IGSF21: variants seen among roughly 807,000 people sequenced by gnomAD.
IGSF21 encodes the protein immunoglobulin superfamily member 21.
A neutral mutation model predicts 46.8 loss-of-function variants in IGSF21; 28 were observed. That is an observed-to-expected ratio of 0.60 (90% confidence interval 0.44 to 0.82). The LOEUF (loss-of-function observed/expected upper bound fraction) is 0.82, where lower values mean the gene tolerates loss of function less well. Among genes scored for constraint, IGSF21 ranks in the 40% least tolerant of loss-of-function variants. The pLI is 0.00. For missense variants in IGSF21, 624 were observed against 665.5 expected, an observed-to-expected ratio of 0.94 and a Z score of 0.69; for synonymous variants, 284 against 273.6, an observed-to-expected ratio of 1.04 and a Z score of -0.38.
intron 1 of IGSF21, among the ~76,000 whole-genome samples, chr1:18,195,304 G>A (rs1169775435): frequency 6.6e-6 from 1 of 152,218 alleles, no homozygotes; most frequent in African/African-American, 2.4e-5. Flanking sequence ...GGGATGGAAT[G>A]TCATGCCAGC....
chr1:18,295,989 AGCGG>A lies in IGSF21; in HGVS notation c.305+4005_305+4008del, dbSNP rs59470869. ...GGTGCATAATGAAATGTGCAAAATG[AGCGG>A]GCAGTTCTGGGTATGCTCCTTGGCC... On this transcript the variant is annotated intron_variant, in intron 3 of 9. Transcript: ENST00000251296. Among the ~76,000 whole-genome samples the A allele has an allele frequency of 4.5e-3, 685 of 152,316 alleles. 5 individuals are homozygous for A. Among genetic ancestry groups the A allele is most frequent in the African/African-American group, 0.016 (653 of 41,566 alleles).
intron 1 of IGSF21, among the ~76,000 whole-genome samples, chr1:18,190,876 G>A (rs1259913561): frequency 1.3e-5 from 2 of 152,166 alleles, no homozygotes; most frequent in Non-Finnish European, 2.9e-5. Context: ...GGGAGAGCTG[G>A]GTTACCCTGG....
At chr1:18,126,610 C>G (rs994848673) in intron 1 of IGSF21, among the ~76,000 whole-genome samples, 2 of 152,152 alleles carry the variant, frequency 1.3e-5, no homozygotes, top group Admixed American at 6.5e-5. Flanking sequence ...ACTTGTGGCT[C>G]CTCCACCCCA....
chr1:18,195,495 C>G (rs1211102707), intron 1 of IGSF21, among the ~76,000 whole-genome samples: 2 of 152,176 alleles, frequency 1.3e-5, no homozygotes, highest in Admixed American at 1.3e-4. Flanking sequence ...ACCTTCTGAA[C>G]CTAGCACAGA....
chr1:18,305,429 A>G (rs952576728), intron 3 of IGSF21, among the ~76,000 whole-genome samples: 3 of 149,748 alleles, frequency 2.0e-5, no homozygotes, highest in African/African-American at 7.4e-5. Context: ...GGATAGATGG[A>G]TGGATTATGG....
At chr1:18,154,085 C>T (rs2086546160) in intron 1 of IGSF21, among the ~76,000 whole-genome samples, 2 of 152,204 alleles carry the variant, frequency 1.3e-5, no homozygotes, top group African/African-American at 4.8e-5. Flanking sequence ...GGTGAGCCCA[C>T]TGTCTGTGTG....
In IGSF21 at chr1:18,359,336, GAAAAAGAAAGAAAGAAAGAAAGAAAGAA is replaced by G. The variant is rs1433356406; in HGVS notation, c.425-2777_425-2750del. Among the ~76,000 whole-genome samples, 347 of 44,892 alleles carry G rather than the reference GAAAAAGAAAGAAAGAAAGAAAGAAAGAA, an allele frequency of 7.7e-3. 8 individuals are homozygous for G. The highest frequency in any genetic ancestry group is 0.012 in the African/African-American group (147 of 11,830). 29.5% of individuals were successfully genotyped at this position (44,892 alleles called of 152,430 possible). A position where few individuals can be genotyped will look rare whatever the true frequency, so the allele number is the denominator to read the frequency against. On this transcript the variant is annotated intron_variant, in intron 4 of 9. Transcript: ENST00000251296. ...AGAAAGAGAGAGAGAGAAAGAGAAA[GAAAAAGAAAGAAAGAAAGAAAGAAAGAA>G]AGAAAGAAAGAAAGAAAGAAAGGAA... is the stretch of plus-strand genomic sequence containing the variant.
At chr1:18,268,599 G>A (rs1455514560) in intron 2 of IGSF21, among the ~76,000 whole-genome samples, 1 of 152,226 alleles carries the variant, frequency 6.6e-6, no homozygotes, top group Non-Finnish European at 1.5e-5. Flanking sequence ...CTGCAGCTGT[G>A]GTTTGCCTCA....
chr1:18,147,734 G>A (rs1007070907), intron 1 of IGSF21, among the ~76,000 whole-genome samples: 1 of 152,136 alleles, frequency 6.6e-6, no homozygotes, highest in Non-Finnish European at 1.5e-5. Flanking sequence ...ATAACTTACT[G>A]AGATTTGCAA....
chr1:18,228,149 T>C, intron 2 of IGSF21, 139 bp downstream of exon 2: 1 of 647,550 alleles, frequency 1.5e-6, no homozygotes, highest in Non-Finnish European at 2.8e-6. Context: ...ATCTGCTGGG[T>C]CCCCGCCCTC....
At chr1:18,234,325 G>A (rs1345906042) in intron 2 of IGSF21, among the ~76,000 whole-genome samples, 1 of 152,200 alleles carries the variant, frequency 6.6e-6, no homozygotes, top group Non-Finnish European at 1.5e-5. Flanking sequence ...GGTATGTCCA[G>A]TGCTCAGTCT....
At chr1:18,230,725 G>A (rs951530172) in intron 2 of IGSF21, among the ~76,000 whole-genome samples, 1 of 152,102 alleles carries the variant, frequency 6.6e-6, no homozygotes, top group Non-Finnish European at 1.5e-5. Flanking sequence ...TCCCAAAGAG[G>A]CAGCTGAAGG....
rs1439659175 is a variant in IGSF21, at chr1:18,337,329, G to A, written c.424+2319G>A. Reference sequence around the variant, plus strand: ...ATAAGGATGCTTCCCTCCTAGGGTGGCTGTGAGGCTTAAAGTAGATAAAGT... The same window carrying A: ...ATAAGGATGCTTCCCTCCTAGGGTGACTGTGAGGCTTAAAGTAGATAAAGT... On this transcript the variant is annotated intron_variant, in intron 4 of 9. Coordinates refer to ENST00000251296, the MANE Select transcript of IGSF21 (RefSeq NM_032880.5). The surrounding 1 kb of genome is among the most constrained non-coding windows in gnomAD (Gnocchi z 5.7). Among the ~76,000 whole-genome samples the A allele has an allele frequency of 6.6e-6, 1 of 152,182 alleles. No homozygotes were observed. Among genetic ancestry groups the A allele is most frequent in the Non-Finnish European group, 1.5e-5 (1 of 68,040 alleles).
chr1:18,237,914 C>CCCGCTCTA (rs1455581218), intron 2 of IGSF21, among the ~76,000 whole-genome samples: 1 of 152,118 alleles, frequency 6.6e-6, no homozygotes, highest in Non-Finnish European at 1.5e-5. Flanking sequence ...AAAGAAAGAT[C>CCCGCTCTA]CCGCTCTAGC....
At chr1:18,318,232 C>G (rs557125046) in intron 3 of IGSF21, among the ~76,000 whole-genome samples, 1 of 152,128 alleles carries the variant, frequency 6.6e-6, no homozygotes, top group African/African-American at 2.4e-5. Flanking sequence ...CCTGGCCCCC[C>G]GTCCCAAATT....
At chr1:18,194,836 C>A (rs1334311193) in intron 1 of IGSF21, among the ~76,000 whole-genome samples, 1 of 152,124 alleles carries the variant, frequency 6.6e-6, no homozygotes, top group Admixed American at 6.5e-5. Flanking sequence ...AAGACACACC[C>A]AAGACTGGGT....
chr1:18,130,665 C>T (rs2086311052), intron 1 of IGSF21, among the ~76,000 whole-genome samples: 1 of 152,212 alleles, frequency 6.6e-6, no homozygotes, highest in Admixed American at 6.5e-5. Context: ...GGATTCAAAT[C>T]CAGATCAGCT....
chr1:18,239,088 G>A (rs569225751), intron 2 of IGSF21, among the ~76,000 whole-genome samples: 1 of 151,948 alleles, frequency 6.6e-6, no homozygotes, highest in South Asian at 2.1e-4. Context: ...CTACTGTTGG[G>A]GCCTCCGAGC....
intron 4 of IGSF21, among the ~76,000 whole-genome samples, chr1:18,348,320 C>T (rs1036897597): frequency 6.6e-6 from 1 of 152,206 alleles, no homozygotes; most frequent in Admixed American, 6.5e-5. Flanking sequence ...TCTGAAGCCC[C>T]CTGGGGCCCT....
Sources: allele counts gnomAD v4.1 joint callset (sites outside exome capture counted in the v4.1 genomes callset), GRCh38; gene constraint gnomAD v4.1.1; non-coding constraint Gnocchi (gnomAD v3.1); transcripts MANE v1.5; gene names NCBI Gene and HGNC (gene_info 2026-07-23, HGNC 2026-07-21).